Variants in DOCK9 observed in about 807,000 individuals in gnomAD.
DOCK9 encodes the protein dedicator of cytokinesis 9, also known as dedicator of cytokinesis protein 9.
In DOCK9, 89 loss-of-function variants were observed where a neutral mutation model predicts 263.3. The ratio of observed to expected loss-of-function variants is 0.34; its 90% CI spans 0.28 to 0.40. The LOEUF (loss-of-function observed/expected upper bound fraction) is 0.40. Among genes scored for constraint, DOCK9 ranks in the 10% least tolerant of loss-of-function variants. DOCK9 has a pLI of 1.00. For missense variants in DOCK9, 2,140 were observed against 2,603.4 expected, an observed-to-expected ratio of 0.82 and a Z score of 3.87; for synonymous variants, 976 against 973.1, an observed-to-expected ratio of 1.00 and a Z score of -0.06.
chr13:98,880,111 G>C (rs1002736169), intron 26 of DOCK9, 142 bp from the exon 27 acceptor site: 1 of 627,834 alleles, frequency 1.6e-6, no homozygotes, highest in Non-Finnish European at 2.7e-6. Context: ...ATTATGATCA[G>C]AGCCAACGGT....
intron 2 of DOCK9, among the ~76,000 whole-genome samples, chr13:98,937,053 AAGAT>A (rs1471346722): frequency 6.6e-6 from 1 of 152,340 alleles, no homozygotes; most frequent in East Asian, 1.9e-4. Flanking sequence ...TTTCTGCTAA[AAGAT>A]AGGTCTATAT....
At chr13:98,921,968 CGCATTCATCTTGA>C in intron 6 of DOCK9, 70 bp downstream of exon 6, 1 of 1,152,148 alleles carries the variant, frequency 8.7e-7, no homozygotes, top group Non-Finnish European at 1.3e-6. Context: ...GAACAGCATG[CGCATTCATCTTGA>C]GCATTGTTCT....
At chr13:98,861,853 G>A (rs1338235647) in intron 32 of DOCK9, among the ~76,000 whole-genome samples, 1 of 152,152 alleles carries the variant, frequency 6.6e-6, no homozygotes, top group African/African-American at 2.4e-5. Flanking sequence ...TCAGTTCTTG[G>A]AGGTGGAGCC....
chr13:99,086,984 G>A (rs914615884), upstream of DOCK9, among the ~76,000 whole-genome samples: 7 of 152,116 alleles, frequency 4.6e-5, no homozygotes, highest in Non-Finnish European at 1.0e-4. Flanking sequence ...CCTGCCCAGG[G>A]AGCCCGGCTG....
In DOCK9 at chr13:98,855,904, C is replaced by G; in HGVS notation, c.3825G>C (p.Leu1275=). 6.2e-7 allele frequency: 1 copy of G among 1,613,816 alleles called. No individual in the cohort carries two copies. The highest frequency in any genetic ancestry group is 8.5e-7 in the Non-Finnish European group (1 of 1,179,790). Residue 1275 remains leucine (L), a synonymous_variant, in exon 34 of 53, where the codon CTG becomes CTC. Transcript: ENST00000682017. ...PERNSEKSNS[L]DKHQQSSTLG... is the part of the protein sequence containing the mutation. ...TTGGGTGAAAAGCAATTACCTTATC[C>G]AGGGAATTGCTCTTCTCACTATTCC...
intron 45 of DOCK9, among the ~76,000 whole-genome samples, chr13:98,812,725 G>A (rs1167343281): frequency 6.6e-6 from 1 of 151,960 alleles, no homozygotes; most frequent in Non-Finnish European, 1.5e-5. Flanking sequence ...AAAATATGTG[G>A]GCTTTACATC....
chr13:99,002,202 T>A (rs902245806), intron 1 of DOCK9, among the ~76,000 whole-genome samples: 3 of 152,186 alleles, frequency 2.0e-5, no homozygotes, highest in Admixed American at 2.0e-4. Flanking sequence ...AGGGTTTGTG[T>A]GGGGGATCAG....
intron 9 of DOCK9, among the ~76,000 whole-genome samples, chr13:98,908,487 G>A (rs1439531686): frequency 6.6e-6 from 1 of 152,172 alleles, no homozygotes; most frequent in African/African-American, 2.4e-5. Flanking sequence ...TTAATAGGGA[G>A]ATGGCTGAAT....
chr13:98,995,125 T>C (rs1291584727), intron 1 of DOCK9, among the ~76,000 whole-genome samples: 3 of 152,216 alleles, frequency 2.0e-5, no homozygotes, highest in Admixed American at 6.5e-5. Flanking sequence ...CCATCAGTCA[T>C]TACAGACTCC....
intron 1 of DOCK9, among the ~76,000 whole-genome samples, chr13:99,019,078 T>C (rs1032327157): frequency 3.9e-5 from 6 of 152,134 alleles, no homozygotes; most frequent in African/African-American, 9.7e-5. Context: ...TACTGATGCA[T>C]GCCACTACAC....
intron 1 of DOCK9, among the ~76,000 whole-genome samples, chr13:98,973,282 G>A (rs2059917269): frequency 6.6e-6 from 1 of 152,114 alleles, no homozygotes; most frequent in Non-Finnish European, 1.5e-5. Flanking sequence ...CATGATCATT[G>A]CCCATAAGCT....
At chr13:99,068,560 G>A (rs1049494588) in intron 1 of DOCK9, among the ~76,000 whole-genome samples, 7 of 152,024 alleles carry the variant, frequency 4.6e-5, no homozygotes, top group Non-Finnish European at 1.0e-4. Flanking sequence ...CAGCCTGGGC[G>A]ACAAAGCGAG....
intron 8 of DOCK9, 108 bp downstream of exon 8, chr13:98,915,221 C>G: frequency 9.4e-7 from 1 of 1,063,036 alleles, no homozygotes; most frequent in Non-Finnish European, 1.3e-6. Context: ...CTATCCGTCC[C>G]ACCTCTCATG....
intron 1 of DOCK9, among the ~76,000 whole-genome samples, chr13:99,035,074 T>A (rs1472197164): frequency 6.6e-6 from 1 of 152,232 alleles, no homozygotes; most frequent in Non-Finnish European, 1.5e-5. Flanking sequence ...CTGTCTTCTG[T>A]CTCAGCTTCC....
chr13:98,862,202 AGGAGTTGCACTGGCAAAATAAAGG>A (rs2093893032), intron 32 of DOCK9, among the ~76,000 whole-genome samples: 1 of 152,228 alleles, frequency 6.6e-6, no homozygotes, highest in South Asian at 2.1e-4. Context: ...GCAACTTACC[AGGAGTTGCACTGGCAAAATAAAGG>A]GGTGTGTGTA....
At chr13:99,071,306 C>CCTTTTTTTTTTTT (rs1286343497) in intron 1 of DOCK9, among the ~76,000 whole-genome samples, 9 of 49,320 alleles carry the variant, frequency 1.8e-4, no homozygotes, top group Admixed American at 1.4e-3. Flanking sequence ...CCATGCCTGG[C>CCTTTTTTTTTTTT]TTTTTTTTTT....
intron 1 of DOCK9, among the ~76,000 whole-genome samples, chr13:99,016,957 G>A (rs16956235): frequency 0.089 from 13,549 of 152,126 alleles, 742 homozygotes; most frequent in African/African-American, 0.15. Context: ...AATACCATCC[G>A]GGCACGTGAT....
intron 27 of DOCK9, among the ~76,000 whole-genome samples, chr13:98,874,828 C>A (rs1374795880): frequency 2.0e-5 from 3 of 152,152 alleles, no homozygotes; most frequent in Admixed American, 6.5e-5. Flanking sequence ...TACTAAAGAA[C>A]CTACTGTACC....
At chr13:99,008,234 ATTT>A (rs398024127) in intron 1 of DOCK9, among the ~76,000 whole-genome samples, 188 of 94,040 alleles carry the variant, frequency 2.0e-3, no homozygotes, top group Middle Eastern at 6.5e-3. Context: ...ATATATATAT[ATTT>A]TTTTTTTTTT....
Sources: allele counts gnomAD v4.1 joint callset (sites outside exome capture counted in the v4.1 genomes callset), GRCh38; gene constraint gnomAD v4.1.1; transcripts MANE v1.5; gene names NCBI Gene and HGNC (gene_info 2026-07-23, HGNC 2026-07-21).